Variants in COLGALT2 observed in about 807,000 individuals in gnomAD.
COLGALT2 encodes procollagen galactosyltransferase 2.
COLGALT2 carries 49 observed loss-of-function variants against 73.4 expected under a neutral mutation model. That is an observed-to-expected ratio of 0.67 (90% CI 0.53 to 0.85). The LOEUF (loss-of-function observed/expected upper bound fraction) is 0.85. Ranked by LOEUF, COLGALT2 falls within the 40% of genes least tolerant of loss-of-function variation. The pLI, the probability that COLGALT2 is intolerant of heterozygous loss-of-function variation, is 0.00. For synonymous variants in COLGALT2, 295 were observed against 307.6 expected (o/e 0.96, Z 0.43); for missense variants, 722 against 790.2 (o/e 0.91, Z 1.03).
intron 11 of COLGALT2, among the ~76,000 whole-genome samples, chr1:183,939,486 T>G (rs1364357758): frequency 1.7e-4 from 26 of 152,200 alleles, no homozygotes; most frequent in Admixed American, 1.7e-3. Flanking sequence ...TGCTCACCAC[T>G]CCGGTTCCAA....
intron 5 of COLGALT2, among the ~76,000 whole-genome samples, chr1:183,966,213 A>G (rs191031623): frequency 6.6e-6 from 1 of 152,334 alleles, no homozygotes; most frequent in Admixed American, 6.5e-5. Flanking sequence ...ATTTAAAAGA[A>G]AATGTATTAA....
At chr1:184,020,396 A>G (rs1004665816) in intron 1 of COLGALT2, among the ~76,000 whole-genome samples, 4 of 152,314 alleles carry the variant, frequency 2.6e-5, no homozygotes, top group South Asian at 2.1e-4. Flanking sequence ...TTGAAAACTG[A>G]CCATATTTCT....
chr1:184,026,381 G>A (rs1286830186), intron 1 of COLGALT2, among the ~76,000 whole-genome samples: 1 of 152,118 alleles, frequency 6.6e-6, no homozygotes, highest in East Asian at 1.9e-4. Flanking sequence ...TTTTTGCCCT[G>A]TCACCAAAAG....
chr1:183,932,541 C>T (rs1185094757), downstream of COLGALT2, among the ~76,000 whole-genome samples: 2 of 152,094 alleles, frequency 1.3e-5, no homozygotes, highest in Non-Finnish European at 2.9e-5. Context: ...ACGTGTGGAA[C>T]GGCACCCTGC....
rs1183815826 is a variant in COLGALT2 at position 183,938,693 on chromosome 1, C to G, written c.*68G>C. 1 of 1,566,332 alleles carries G rather than the reference C, an allele frequency of 6.4e-7. No homozygotes were observed. Among genetic ancestry groups the G allele is most frequent in the South Asian group, 1.2e-5 (1 of 82,254 alleles). ...AAACAAAACAGAAAACTGGAGCAAA[C>G]AGATGAATAGCCCTTTAGAAAAACC... On this transcript the variant is annotated 3_prime_UTR_variant, in exon 12 of 12. Transcript: ENST00000361927.
Position 183,951,143 on chromosome 1 carries a change from C to T in COLGALT2, c.1030-30G>A, listed in dbSNP as rs767186361. ...TGCAAGAAGGAAAAGGGAAAAGACA[C>T]ATAAATTACTCAAGTCTTCTTTTAG... On this transcript the variant is annotated intron_variant, in intron 7 of 11. Coordinates refer to ENST00000361927, the MANE Select transcript of COLGALT2 (RefSeq NM_015101.4). 8 of 1,486,376 alleles carry T rather than the reference C, an allele frequency of 5.4e-6. 1 individual carries two copies. The South Asian group carries it at 6.8e-5, about 13-fold the overall frequency. The allele number at this position is 1,486,376 out of a possible 1,614,324, so 92.1% of individuals were successfully genotyped here. A position where few individuals can be genotyped will look rare whatever the true frequency, so the allele number is the denominator to read the frequency against.
chr1:184,005,925 A>G (rs911646165), intron 1 of COLGALT2, among the ~76,000 whole-genome samples: 25 of 152,182 alleles, frequency 1.6e-4, no homozygotes, highest in Admixed American at 5.9e-4. Flanking sequence ...GCTATCATAG[A>G]AACTTGGGAA....
At chr1:183,969,547 G>A in intron 4 of COLGALT2, 74 bp from the exon 5 acceptor site, 8 of 1,352,000 alleles carry the variant, frequency 5.9e-6, no homozygotes, top group Non-Finnish European at 8.1e-6. Flanking sequence ...TTGCTAGACT[G>A]ATTCCTTTCA....
intron 5 of COLGALT2, 67 bp downstream of exon 5, chr1:183,969,202 C>G: frequency 1.5e-6 from 2 of 1,332,384 alleles, no homozygotes; most frequent in Non-Finnish European, 1.0e-6. Context: ...ATAAAATGCA[C>G]AAAACAAAGG....
chr1:183,991,583 G>A (rs1430478625), intron 1 of COLGALT2, among the ~76,000 whole-genome samples: 1 of 152,174 alleles, frequency 6.6e-6, no homozygotes, highest in African/African-American at 2.4e-5. Context: ...AACACTCCTG[G>A]CCATTTCAGG....
At chr1:183,974,982 G>A in intron 3 of COLGALT2, 115 bp downstream of exon 3, 2 of 688,596 alleles carry the variant, frequency 2.9e-6, no homozygotes, top group Non-Finnish European at 4.9e-6. Flanking sequence ...AAGTGGGGGA[G>A]GCACTGCCTA....
At chr1:183,997,017 A>C (rs955471171) in intron 1 of COLGALT2, among the ~76,000 whole-genome samples, 22 of 152,220 alleles carry the variant, frequency 1.4e-4, no homozygotes, top group African/African-American at 5.3e-4. Context: ...ATAAATGAAT[A>C]AACAAATTCA....
intron 1 of COLGALT2, among the ~76,000 whole-genome samples, chr1:183,987,300 C>T (rs947948927): frequency 6.6e-5 from 10 of 152,112 alleles, no homozygotes; most frequent in Non-Finnish European, 1.2e-4. Context: ...TTTTCTTGTC[C>T]TTATTGGATT....
At chr1:183,961,803 A>G (rs1335183352) in intron 6 of COLGALT2, among the ~76,000 whole-genome samples, 2 of 152,196 alleles carry the variant, frequency 1.3e-5, no homozygotes, top group Non-Finnish European at 2.9e-5. Flanking sequence ...AATACAAAGC[A>G]ATAAGATGCC....
rs1223295935 is a variant in COLGALT2, at chr1:183,936,492, T to TAAATCTC, written c.*2268_*2269insGAGATTT. 2.0e-6 allele frequency: 2 copies of TAAATCTC among 1,002,052 alleles called. No individual in the cohort carries two copies. The highest frequency in any genetic ancestry group is 3.5e-5 in the African/African-American group (2 of 57,916). The allele number at this position is 1,002,052 out of a possible 1,614,324, so 62.1% of individuals were successfully genotyped here. ...AAAGTCTTTTAAGAATGAGAGTTCT[T>TAAATCTC]AAATCTGTCAGACCAGCTGACAGGG... On this transcript the variant is annotated 3_prime_UTR_variant, in exon 12 of 12. Coordinates refer to ENST00000361927, the MANE Select transcript of COLGALT2 (RefSeq NM_015101.4).
Position 183,967,153 on chromosome 1 carries a change from A to G in COLGALT2, c.832+2116T>C, listed in dbSNP as rs76295279. 2.9e-3 allele frequency among the ~76,000 whole-genome samples: 436 copies of G among 152,318 alleles called. 4 individuals carry two copies. Among genetic ancestry groups the G allele is most frequent in the African/African-American group, 9.8e-3 (406 of 41,558 alleles). On this transcript the variant is annotated intron_variant, in intron 5 of 11. Coordinates refer to ENST00000361927, the MANE Select transcript of COLGALT2 (RefSeq NM_015101.4). ...AATACTTAGAGATAAGTACAATATT[A>G]CCTTAAAATCCACAGTTGTCAAGAA...
At chr1:183,985,747 G>A (rs1671470075) in intron 1 of COLGALT2, among the ~76,000 whole-genome samples, 2 of 152,202 alleles carry the variant, frequency 1.3e-5, no homozygotes, top group South Asian at 4.1e-4. Flanking sequence ...CTTGCTGCCT[G>A]AGAACCTGCA....
At chr1:184,016,891 A>C (rs1649019394) in intron 1 of COLGALT2, among the ~76,000 whole-genome samples, 1 of 152,246 alleles carries the variant, frequency 6.6e-6, no homozygotes, top group Non-Finnish European at 1.5e-5. Flanking sequence ...TTCATATAGC[A>C]AATATCTATA....
rs984438301 is a variant in COLGALT2, at chr1:183,937,689, G to A, written c.*1072C>T. ...ATGTGTCCACACCCACCACTCCCCC[G>A]GGTGCCGTGGAAGTCTGCAACATCT... On this transcript the variant is annotated 3_prime_UTR_variant, in exon 12 of 12. Transcript: ENST00000361927. 12 of 985,280 alleles carry A rather than the reference G, an allele frequency of 1.2e-5. No individual in the cohort carries two copies. The highest frequency in any genetic ancestry group is 4.7e-5 in the South Asian group (1 of 21,284). 61.0% of individuals were successfully genotyped at this position (985,280 alleles called of 1,614,324 possible).
Sources: gnomAD v4.1 joint callset for allele counts (sites outside exome capture counted in the v4.1 genomes callset) on GRCh38, gnomAD v4.1.1 for gene constraint, MANE v1.5 for transcripts, NCBI Gene and HGNC (gene_info 2026-07-23, HGNC 2026-07-21) for gene names.